The following CCNE1 variants were observed in gnomAD, a reference collection of about 807,000 sequenced individuals.
The protein encoded by CCNE1 is G1/S-specific cyclin-E1.
A neutral mutation model predicts 54.1 loss-of-function variants in CCNE1; 8 were observed. The ratio of observed to expected loss-of-function variants is 0.15; its 90% CI spans 0.09 to 0.27. The LOEUF (loss-of-function observed/expected upper bound fraction) is 0.27. CCNE1 is among the 10% of genes least tolerant of loss of function. The probability of loss-of-function intolerance (pLI) is 1.00; values close to 1 mark genes in which losing one functional copy is unlikely to be tolerated. For synonymous variants in CCNE1, 179 were observed against 185.2 expected, an observed-to-expected ratio of 0.97 and a Z score of 0.27; for missense variants, 430 against 514.9, an observed-to-expected ratio of 0.84 and a Z score of 1.60.
At position 29,823,728 on chromosome 19, in the gene CCNE1, C is replaced by G; in HGVS notation, c.1184C>G (p.Thr395Ser). The stretch of plus-strand genomic sequence containing the variant: ...TCTCCTCTCCCCAGTGGGCTCCTCA[C>G]CCCGCCACAGAGCGGTAAGAAGCAG... ...RASPLPSGLL[T>S]PPQSGKKQSS... is the part of the protein sequence containing the mutation. The change falls in exon 12 of 12, where the codon ACC (threonine) becomes AGC (serine). Residue 395 changes from threonine (T) to serine (S), a missense_variant. Physicochemically the swap from Thr to Ser is moderately conservative, Grantham distance 58. Around this residue, in one of 2 missense-constraint regions of CCNE1, gnomAD observed 303 missense variants for 401.1 expected, o/e 0.76. Transcript: ENST00000262643. The G allele has an allele frequency of 6.2e-7, 1 of 1,614,180 alleles. No homozygotes were observed. Among genetic ancestry groups the G allele is most frequent in the Non-Finnish European group, 8.5e-7 (1 of 1,180,014 alleles).
rs878995611 is a variant in CCNE1 at position 29,823,845 on chromosome 19, G to A, written c.*68G>A. 57 of 1,484,276 alleles carry A rather than the reference G, an allele frequency of 3.8e-5. No homozygotes were observed. The South Asian group carries it at 4.8e-4, about 13-fold the overall frequency. 91.9% of individuals were successfully genotyped at this position (1,484,276 alleles called of 1,614,324 possible). On this transcript the variant is annotated 3_prime_UTR_variant, in exon 12 of 12. Coordinates refer to ENST00000262643, the MANE Select transcript of CCNE1 (RefSeq NM_001238.4). Reference sequence around the variant, plus strand: ...CACGTTCTCTTCTGTCTGTTGCAGCGGAGGCGTGCGTTTGCTTTTACAGAT... The same window carrying A: ...CACGTTCTCTTCTGTCTGTTGCAGCAGAGGCGTGCGTTTGCTTTTACAGAT...
At chr19:29,822,627 T>A (rs2145730692) in intron 11 of CCNE1, 24 bp downstream of exon 11, 1 of 1,589,280 alleles carries the variant, frequency 6.3e-7, no homozygotes, top group Non-Finnish European at 8.6e-7. Context: ...CTTCTTTCAG[T>A]CCTTCTTGGC....
intron 4 of CCNE1, 174 bp downstream of exon 4, chr19:29,813,211 AGT>A: frequency 1.6e-6 from 1 of 608,548 alleles, no homozygotes; most frequent in African/African-American, 1.9e-5. Context: ...GGCCTCTGCC[AGT>A]CCTGGGATTC....
At position 29,820,746 on chromosome 19, in the gene CCNE1, A is replaced by C. The variant is rs775554031; in HGVS notation, c.507A>C (p.Ala169=). The change falls in exon 7 of 12, where the codon GCA becomes GCC. Residue 169 remains alanine (A), a synonymous_variant. Transcript: ENST00000262643. ...TTCACAGGGAGACCTTTTACTTGGC[A>C]CAAGATTTCTTTGACCGGTATATGG... ...YKLHRETFYL[A]QDFFDRYMAT... 1.9e-6 allele frequency: 3 copies of C among 1,612,020 alleles called. No individual in the cohort carries two copies.
chr19:29,812,194 C>T (rs1434091525), intron 1 of CCNE1, 42 bp downstream of exon 1: 1 of 151,900 alleles, frequency 6.6e-6, no homozygotes, highest in African/African-American at 2.4e-5. Flanking sequence ...ACTCCTGGGG[C>T]CCAGACCGCG....
chr19:29,815,698 G>C (rs1478640276), intron 4 of CCNE1, among the ~76,000 whole-genome samples: 2 of 149,684 alleles, frequency 1.3e-5, no homozygotes. Flanking sequence ...GCGCGAGCTC[G>C]GCTCCCTGCA....
Position 29,812,855 on chromosome 19 carries a change from G to A in CCNE1, c.111+79G>A. ...CCGACTTGGCTCTGCCTACGGGGGC[G>A]GGGGTCCCTTGGGCAGGAACGGAGC... On this transcript the variant is annotated intron_variant, in intron 3 of 11. Transcript: ENST00000262643. 22 of 1,582,998 alleles carry A rather than the reference G, an allele frequency of 1.4e-5. No homozygotes were observed. The South Asian group carries it at 2.4e-4, about 18-fold the overall frequency.
chr19:29,813,203 C>T (rs542974862), intron 4 of CCNE1, 166 bp downstream of exon 4: 39 of 619,752 alleles, frequency 6.3e-5, no homozygotes, highest in Non-Finnish European at 1.0e-4. Context: ...TGGGCACTGG[C>T]CTCTGCCAGT....
rs1974225798 is a variant in CCNE1 at position 29,824,231 on chromosome 19, G to A, written c.*454G>A. ...CCTCTCCACATTATCAGTTGACAGT[G>A]TACAATGCCTTTGATGAACTGTTTT... On this transcript the variant is annotated 3_prime_UTR_variant, in exon 12 of 12. Transcript: ENST00000262643. 5 of 242,760 alleles carry A rather than the reference G, an allele frequency of 2.1e-5. No homozygotes were observed. Among genetic ancestry groups the A allele is most frequent in the Admixed American group, 5.6e-5 (1 of 17,998 alleles). 15.0% of individuals were successfully genotyped at this position (242,760 alleles called of 1,614,324 possible).
In CCNE1 at chr19:29,817,458, T is replaced by C; in HGVS notation, c.379T>C (p.Tyr127His). The C allele has an allele frequency of 6.2e-7, 1 of 1,614,132 alleles. No homozygotes were observed. The highest frequency in any genetic ancestry group is 8.5e-7 in the Non-Finnish European group (1 of 1,180,014). Residue 127 changes from tyrosine to histidine, a missense_variant, in exon 6 of 12, where the codon TAC (tyrosine) becomes CAC (histidine). Tyr to His is a moderately conservative substitution (Grantham distance 83, BLOSUM62 2). Around this residue, in one of 2 missense-constraint regions of CCNE1, gnomAD observed 303 missense variants for 401.1 expected, o/e 0.76. Coordinates refer to ENST00000262643, the MANE Select transcript of CCNE1 (RefSeq NM_001238.4). The part of the protein sequence containing the change: ...WKIMLNKEKT[Y>H]LRDQHFLEQH... ...AATCATGTTAAACAAGGAAAAGACA[T>C]ACTTAAGGGATCAGCACTTTCTTGA...
chr19:29,813,471 C>T (rs936450234), intron 4 of CCNE1: 8 of 157,760 alleles, frequency 5.1e-5, no homozygotes, highest in Admixed American at 1.3e-4. Flanking sequence ...CAACAACTTT[C>T]CCCCTATCTA....
chr19:29,813,118 G>A (rs940941246), intron 4 of CCNE1, 81 bp downstream of exon 4: 192 of 1,286,566 alleles, frequency 1.5e-4, no homozygotes, highest in Non-Finnish European at 2.1e-4. Flanking sequence ...CTTGTCTCTT[G>A]CTGGAGACAC....
At chr19:29,812,866 G>A (rs1267789549) in intron 3 of CCNE1, 90 bp downstream of exon 3, 1 of 1,585,404 alleles carries the variant, frequency 6.3e-7, no homozygotes, top group Non-Finnish European at 8.6e-7. Context: ...GGGGTCCCTT[G>A]GGCAGGAACG....
At position 29,817,415 on chromosome 19, in the gene CCNE1, TAGAG is replaced by T; in HGVS notation, c.339_342del (p.Glu114LysfsTer7). On this transcript the variant is annotated frameshift_variant, in exon 6 of 12. Coordinates refer to ENST00000262643, the MANE Select transcript of CCNE1 (RefSeq NM_001238.4). LOFTEE classifies it high-confidence loss of function. ...GTGTGTTTTGTTGTAGCTGGGCAAA[TAGAG>T]AGGAAGTCTGGAAAATCATGTTAAA... 1.9e-6 allele frequency: 3 copies of T among 1,614,106 alleles called. No homozygotes were observed. Among genetic ancestry groups the T allele is most frequent in the Non-Finnish European group, 2.5e-6 (3 of 1,180,022 alleles).
intron 6 of CCNE1, among the ~76,000 whole-genome samples, chr19:29,818,143 C>T (rs956477153): frequency 2.6e-5 from 4 of 151,768 alleles, no homozygotes; most frequent in African/African-American, 9.7e-5. Context: ...TCTCCTGCCT[C>T]AGCCTCCCGA....
At chr19:29,822,211 C>G (rs2145729064) in intron 9 of CCNE1, 29 bp from the exon 10 acceptor site, 1 of 1,610,612 alleles carries the variant, frequency 6.2e-7, no homozygotes, top group Non-Finnish European at 8.5e-7. Context: ...GTGGTGGCAT[C>G]CATCTCAGCG....
chr19:29,818,819 A>G (rs905039513), intron 6 of CCNE1, among the ~76,000 whole-genome samples: 1 of 150,262 alleles, frequency 6.7e-6, no homozygotes, highest in African/African-American at 2.5e-5. Context: ...CTGGCATGCA[A>G]TGGTGTGATC....
At chr19:29,816,872 T>G (rs997083681) in intron 4 of CCNE1, among the ~76,000 whole-genome samples, 2 of 136,288 alleles carry the variant, frequency 1.5e-5, no homozygotes, top group African/African-American at 5.4e-5. Flanking sequence ...TTTTTGATCT[T>G]TTATACTAAT....
Position 29,812,543 on chromosome 19 carries a change from G to C in CCNE1, c.-13G>C. 1 of 1,486,336 alleles carries C rather than the reference G, an allele frequency of 6.7e-7. No homozygotes were observed. Among genetic ancestry groups the C allele is most frequent in the Non-Finnish European group, 8.9e-7 (1 of 1,124,482 alleles). The allele number at this position is 1,486,336 out of a possible 1,614,324, so 92.1% of individuals were successfully genotyped here. ...GCGCCGCCCCGCAGGCCTCAGGCCG[G>C]AGCAGCCCCATCATGCCGAGGGAGC... On this transcript the variant is annotated 5_prime_UTR_variant, in exon 2 of 12. Coordinates refer to ENST00000262643, the MANE Select transcript of CCNE1 (RefSeq NM_001238.4).
Sources: gnomAD v4.1 joint callset for allele counts (sites outside exome capture counted in the v4.1 genomes callset) on GRCh38, gnomAD v4.1.1 for gene constraint, gnomAD v4.1.1 regional missense constraint, MANE v1.5 for transcripts, NCBI Gene and HGNC (gene_info 2026-07-23, HGNC 2026-07-21) for gene names.